MED1: variants seen among roughly 807,000 people sequenced by gnomAD.
MED1 encodes mediator complex subunit 1, also known as mediator of RNA polymerase II transcription subunit 1.
MED1 carries 17 observed loss-of-function variants against 121.3 expected under a neutral mutation model. The observed-to-expected ratio is 0.14, with a 90% CI of 0.10 to 0.21. The LOEUF (loss-of-function observed/expected upper bound fraction) is 0.21, where lower values mean the gene tolerates loss of function less well. Among genes scored for constraint, MED1 ranks in the 10% least tolerant of loss-of-function variants. MED1 has a pLI of 1.00. For missense variants in MED1, 1,558 were observed against 1,919.4 expected (o/e 0.81, Z 3.52); for synonymous variants, 661 against 694.4 (o/e 0.95, Z 0.76).
Position 39,430,743 on chromosome 17 carries a change from C to T in MED1, c.649+372G>A, listed in dbSNP as rs544153101. On this transcript the variant is annotated intron_variant, in intron 9 of 16. Transcript: ENST00000300651. ...AAAATTAACAAATAAATAGGCTGGG[C>T]GCAGTGGCTCATGCCTGTAATCCCA... Among the ~76,000 whole-genome samples, 153 of 149,378 alleles carry T rather than the reference C, an allele frequency of 1.0e-3. 1 individual carries two copies. Among genetic ancestry groups the T allele is most frequent in the Middle Eastern group, 3.6e-3 (1 of 276 alleles).
At position 39,405,097 on chromosome 17, in the gene MED1, A is replaced by C; in HGVS notation, c.*2378T>G. On this transcript the variant is annotated 3_prime_UTR_variant, in exon 17 of 17. Transcript: ENST00000300651. ...GAAACAGAAGAATGAGTACACCTAG[A>C]CAGGAGGGAGGTGTCCCAGGCTTGG... 2.8e-6 allele frequency: 3 copies of C among 1,068,892 alleles called. No individual in the cohort carries two copies. Among genetic ancestry groups the C allele is most frequent in the Non-Finnish European group, 2.6e-6 (2 of 770,792 alleles). 66.2% of individuals were successfully genotyped at this position (1,068,892 alleles called of 1,614,324 possible).
intron 11 of MED1, 39 bp from the exon 12 acceptor site, chr17:39,423,860 T>C: frequency 6.4e-7 from 1 of 1,561,634 alleles, no homozygotes; most frequent in Non-Finnish European, 8.6e-7. Flanking sequence ...GATTCTGACT[T>C]GATATAAAAA....
intron 1 of MED1, among the ~76,000 whole-genome samples, chr17:39,449,310 AG>A (rs1287089222): frequency 4.0e-5 from 6 of 151,644 alleles, no homozygotes; most frequent in African/African-American, 1.5e-4. Flanking sequence ...CCTCCCAAGT[AG>A]CTGGGACTAC....
intron 6 of MED1, among the ~76,000 whole-genome samples, chr17:39,437,891 A>G (rs1300065117): frequency 6.6e-6 from 1 of 151,938 alleles, no homozygotes; most frequent in Non-Finnish European, 1.5e-5. Flanking sequence ...CCAAGATCAC[A>G]CCATTGCACT....
chr17:39,415,989 CAA>C (rs78988735), intron 14 of MED1, among the ~76,000 whole-genome samples: 37 of 96,264 alleles, frequency 3.8e-4, no homozygotes, highest in Admixed American at 3.3e-4. Context: ...CACTCTGTCT[CAA>C]AAAAAAAAAA....
At position 39,409,208 on chromosome 17, in the gene MED1, T is replaced by C. The variant is rs748944323; in HGVS notation, c.3013A>G (p.Ser1005Gly). Residue 1005 changes from serine (S) to glycine (G), a missense_variant, in exon 17 of 17, where the codon AGC becomes GGC. Physicochemically the swap from Ser to Gly is moderately conservative, Grantham distance 56. Around this residue, in one of 5 missense-constraint regions of MED1, gnomAD observed 793 missense variants for 898.2 expected, o/e 0.88. Transcript: ENST00000300651. ...RSRTPSNDGK[S>G]KDKPPKRKKA... is the part of the protein sequence containing the mutation. ...TTCCGCTTTGGAGGCTTATCTTTGCTTTTCCCATCATTAGAAGGGGTCCGA... is the reference window on the plus strand; with the variant it reads ...TTCCGCTTTGGAGGCTTATCTTTGCCTTTCCCATCATTAGAAGGGGTCCGA... 16 of 1,614,174 alleles carry C rather than the reference T, an allele frequency of 9.9e-6. No individual in the cohort carries two copies. Among genetic ancestry groups the C allele is most frequent in the Admixed American group, 1.7e-5 (1 of 60,022 alleles).
chr17:39,437,492 G>A (rs1008193846), intron 6 of MED1, among the ~76,000 whole-genome samples: 4 of 152,096 alleles, frequency 2.6e-5, no homozygotes, highest in Admixed American at 6.6e-5. Context: ...AAGAGGCCAG[G>A]GATGCTATTA....
chr17:39,444,039 A>G lies in MED1; in HGVS notation c.133-411T>C, dbSNP rs1477805116. Among the ~76,000 whole-genome samples the G allele has an allele frequency of 2.0e-5, 3 of 152,204 alleles. No individual in the cohort carries two copies. The South Asian group carries it at 6.2e-4, about 32-fold the overall frequency. ...AAAAACCTTTAGAGAAATATTAGGA[A>G]GAATCAAAATGTAATACATGAGATC... On this transcript the variant is annotated intron_variant, in intron 2 of 16. Transcript: ENST00000300651.
At chr17:39,450,675 T>C (rs1297453739) in intron 1 of MED1, among the ~76,000 whole-genome samples, 1 of 152,162 alleles carries the variant, frequency 6.6e-6, no homozygotes, top group Non-Finnish European at 1.5e-5. Context: ...ACCTAATCAT[T>C]TCATTGATGC....
chr17:39,437,802 C>T (rs1234230880), intron 6 of MED1, among the ~76,000 whole-genome samples: 1 of 151,828 alleles, frequency 6.6e-6, no homozygotes, highest in Non-Finnish European at 1.5e-5. Context: ...GGCGTGGTAG[C>T]ACATGCCTGT....
intron 16 of MED1, among the ~76,000 whole-genome samples, chr17:39,414,471 G>A (rs1283936517): frequency 6.7e-6 from 1 of 149,258 alleles, no homozygotes; most frequent in Non-Finnish European, 1.5e-5. Context: ...TAGTAGCTGG[G>A]ACTACAGGCG....
At chr17:39,448,589 G>A (rs997353294) in intron 1 of MED1, among the ~76,000 whole-genome samples, 6 of 150,870 alleles carry the variant, frequency 4.0e-5, no homozygotes, top group African/African-American at 1.5e-4. Flanking sequence ...GGCTAGAGAG[G>A]AAAATTTAAA....
chr17:39,449,105 G>A (rs191268963), intron 1 of MED1, among the ~76,000 whole-genome samples: 307 of 151,664 alleles, frequency 2.0e-3, no homozygotes, highest in Middle Eastern at 0.017. Context: ...GCACAATCAA[G>A]GCCTATTGCA....
At chr17:39,424,763 A>C in intron 10 of MED1, 25 bp from the exon 11 acceptor site, 1 of 1,366,624 alleles carries the variant, frequency 7.3e-7, no homozygotes, top group Non-Finnish European at 1.0e-6. Flanking sequence ...GAAAAAGGGT[A>C]TTCCTCAAAG....
chr17:39,417,150 C>T (rs916949544), intron 14 of MED1, among the ~76,000 whole-genome samples: 5 of 151,574 alleles, frequency 3.3e-5, no homozygotes, highest in East Asian at 1.9e-4. Context: ...GCCAACTCGA[C>T]GAAACCCCGT....
At chr17:39,417,411 G>A (rs1272074891) in intron 14 of MED1, among the ~76,000 whole-genome samples, 2 of 151,656 alleles carry the variant, frequency 1.3e-5, no homozygotes, top group South Asian at 2.1e-4. Flanking sequence ...GGCAGATCAC[G>A]AGGTCAGGAG....
intron 6 of MED1, among the ~76,000 whole-genome samples, chr17:39,438,935 C>T (rs767487563): frequency 9.2e-5 from 14 of 152,116 alleles, no homozygotes; most frequent in Non-Finnish European, 1.3e-4. Context: ...GGCAATAGAG[C>T]AAGACTCCAT....
intron 13 of MED1, among the ~76,000 whole-genome samples, chr17:39,422,923 T>C (rs978879244): frequency 1.5e-5 from 2 of 131,390 alleles, no homozygotes; most frequent in Admixed American, 9.4e-5. Context: ...TGGAGCACAA[T>C]GGCACAATCT....
chr17:39,419,410 A>ATT (rs375129052), intron 14 of MED1, among the ~76,000 whole-genome samples: 7 of 142,090 alleles, frequency 4.9e-5, no homozygotes, highest in African/African-American at 1.0e-4. Flanking sequence ...ACATGTTTGA[A>ATT]TTTTTTTTTT....
Sources: gnomAD v4.1 joint callset for allele counts (sites outside exome capture counted in the v4.1 genomes callset) on GRCh38, gnomAD v4.1.1 for gene constraint, gnomAD v4.1.1 regional missense constraint, MANE v1.5 for transcripts, NCBI Gene and HGNC (gene_info 2026-07-23, HGNC 2026-07-21) for gene names.